MITF: variants seen among roughly 807,000 people sequenced by gnomAD.
MITF encodes the protein microphthalmia-associated transcription factor.
Under a neutral mutation model 60.5 loss-of-function variants are expected in MITF, and 17 were observed. That is an observed-to-expected ratio of 0.28 (90% CI 0.19 to 0.42). MITF has a LOEUF of 0.42. Among genes scored for constraint, MITF ranks in the 10% least tolerant of loss-of-function variants. The probability of loss-of-function intolerance (pLI) is 1.00; values close to 1 mark genes in which losing one functional copy is unlikely to be tolerated. For synonymous variants in MITF, 260 were observed against 248.5 expected (o/e 1.05, Z -0.43); for missense variants, 622 against 683.5 (o/e 0.91, Z 1.00).
intron 1 of MITF, among the ~76,000 whole-genome samples, chr3:69,876,127 A>T (rs2064348529): frequency 6.6e-6 from 1 of 152,098 alleles, no homozygotes. Context: ...GTCGACTTTC[A>T]CGTATGAAGA....
intron 1 of MITF, among the ~76,000 whole-genome samples, chr3:69,828,047 A>G (rs2063384876): frequency 6.6e-6 from 1 of 152,114 alleles, no homozygotes; most frequent in Non-Finnish European, 1.5e-5. Context: ...GTATATCTTT[A>G]CCTTTCTATA....
chr3:69,961,275 C>A (rs2066537119), intron 9 of MITF, among the ~76,000 whole-genome samples: 1 of 151,540 alleles, frequency 6.6e-6, no homozygotes, highest in Non-Finnish European at 1.5e-5. Flanking sequence ...CCCAGCTACT[C>A]GTGAGGCTGA....
rs1008640822 is a variant in MITF at position 69,759,786 on chromosome 3, T to G, written c.104+20085T>G. Among the ~76,000 whole-genome samples, 108 of 149,546 alleles carry G rather than the reference T, an allele frequency of 7.2e-4. 2 individuals are homozygous for G. The highest frequency in any genetic ancestry group is 5.9e-4 in the East Asian group (3 of 5,122). On this transcript the variant is annotated intron_variant, in intron 1 of 9. Coordinates refer to ENST00000352241, the MANE Select transcript of MITF (RefSeq NM_001354604.2). The stretch of plus-strand genomic sequence containing the variant: ...CTTTTCCAGGTACCTGATCGCTCTC[T>G]TTTTTTTTTGAGACAAAGTCTCGCT...
At chr3:69,817,232 T>A (rs2063195932) in intron 1 of MITF, among the ~76,000 whole-genome samples, 2 of 152,184 alleles carry the variant, frequency 1.3e-5, no homozygotes, top group Non-Finnish European at 2.9e-5. Context: ...CTATTTGATA[T>A]TTTGATATAC....
In MITF at chr3:69,914,650, T is replaced by C. The variant is rs373025604; in HGVS notation, c.355-23172T>C. The stretch of plus-strand genomic sequence containing the variant: ...CTGGAGCACTGGGCTGATGTCATCA[T>C]TGTGCGGTGTTGGATGAGTAAGTAC... On this transcript the variant is annotated intron_variant, in intron 2 of 9. Transcript: ENST00000352241. Among the ~76,000 whole-genome samples, 81 of 152,246 alleles carry C rather than the reference T, an allele frequency of 5.3e-4. No individual in the cohort carries two copies. The South Asian group carries it at 0.017, about 32-fold the overall frequency.
At chr3:69,812,796 T>G (rs2063121255) in intron 1 of MITF, among the ~76,000 whole-genome samples, 1 of 152,200 alleles carries the variant, frequency 6.6e-6, no homozygotes, top group African/African-American at 2.4e-5. Context: ...TTGGTTGGCC[T>G]TCTTGTCCTC....
intron 2 of MITF, among the ~76,000 whole-genome samples, chr3:69,891,455 G>A (rs1047259489): frequency 9.2e-5 from 14 of 152,156 alleles, no homozygotes; most frequent in African/African-American, 2.7e-4. Context: ...TAGCCACTGC[G>A]TCCCCTGCGA....
At chr3:69,964,274 C>T (rs1023446883) in intron 9 of MITF, among the ~76,000 whole-genome samples, 1 of 152,076 alleles carries the variant, frequency 6.6e-6, no homozygotes, top group Non-Finnish European at 1.5e-5. Context: ...GCATTTAAAA[C>T]TTTATTTTTG....
At chr3:69,773,751 C>T (rs1331021629) in intron 1 of MITF, among the ~76,000 whole-genome samples, 4 of 152,150 alleles carry the variant, frequency 2.6e-5, no homozygotes, top group African/African-American at 4.8e-5. Flanking sequence ...AACTATGAAG[C>T]ATTAATACTT....
chr3:69,965,551 C>T lies in MITF; in HGVS notation c.*303C>T, dbSNP rs1576072427. The T allele has an allele frequency of 7.2e-6, 2 of 278,698 alleles. No homozygotes were observed. The highest frequency in any genetic ancestry group is 1.1e-4 in the East Asian group (2 of 18,852). The allele number at this position is 278,698 out of a possible 1,614,324, so 17.3% of individuals were successfully genotyped here. ...GATTTTGCGTCAGAGAAATGTCTGT[C>T]CATTTTTATTCAGGGGAAACTTGAT... On this transcript the variant is annotated 3_prime_UTR_variant, in exon 10 of 10. Coordinates refer to ENST00000352241, the MANE Select transcript of MITF (RefSeq NM_001354604.2).
chr3:69,793,552 A>ATAGCATGCACCCTCTCCCAATGCCCAT (rs1559633677), intron 1 of MITF, among the ~76,000 whole-genome samples: 1 of 151,932 alleles, frequency 6.6e-6, no homozygotes, highest in Admixed American at 6.6e-5. Context: ...CCCAATGCTC[A>ATAGCATGCACCCTCTCCCAATGCCCAT]AGTTATGATG....
chr3:69,867,700 A>T (rs1056512187), intron 1 of MITF, among the ~76,000 whole-genome samples: 10 of 152,232 alleles, frequency 6.6e-5, no homozygotes, highest in South Asian at 4.1e-4. Flanking sequence ...ACTCTAACTT[A>T]CTAATTTTTT....
At chr3:69,808,549 G>A (rs987870915) in intron 1 of MITF, among the ~76,000 whole-genome samples, 6 of 152,018 alleles carry the variant, frequency 3.9e-5, no homozygotes, top group African/African-American at 1.2e-4. Flanking sequence ...GTTAGGGAAG[G>A]CCTCCCTAGG....
At chr3:69,948,815 A>C (rs770225319) in intron 5 of MITF, among the ~76,000 whole-genome samples, 3 of 152,162 alleles carry the variant, frequency 2.0e-5, no homozygotes, top group Non-Finnish European at 2.9e-5. Context: ...TAGTCATTTT[A>C]TGGGTGTGAG....
intron 2 of MITF, among the ~76,000 whole-genome samples, chr3:69,909,708 G>T (rs1469432407): frequency 2.0e-5 from 3 of 152,182 alleles, no homozygotes; most frequent in Admixed American, 6.5e-5. Flanking sequence ...CTGCCCTAGA[G>T]ATTTGTGGAA....
At chr3:69,891,736 C>T (rs186879993) in intron 2 of MITF, among the ~76,000 whole-genome samples, 94 of 152,258 alleles carry the variant, frequency 6.2e-4, no homozygotes, top group Middle Eastern at 3.4e-3. Context: ...TGGCAAATCT[C>T]CAACAGTGGT....
At chr3:69,894,576 C>T (rs2064831454) in intron 2 of MITF, among the ~76,000 whole-genome samples, 1 of 151,320 alleles carries the variant, frequency 6.6e-6, no homozygotes, top group Non-Finnish European at 1.5e-5. Context: ...ATCCCTGCTA[C>T]TGGGGAGGCT....
At chr3:69,902,880 A>T (rs1329060459) in intron 2 of MITF, among the ~76,000 whole-genome samples, 1 of 152,092 alleles carries the variant, frequency 6.6e-6, no homozygotes, top group Admixed American at 6.6e-5. Flanking sequence ...GCAGAAAAAA[A>T]AACCCAAATA....
chr3:69,780,203 C>T (rs992377383), intron 1 of MITF, among the ~76,000 whole-genome samples: 6 of 152,104 alleles, frequency 3.9e-5, no homozygotes, highest in Admixed American at 6.6e-5. Context: ...TTAGGCTGGA[C>T]GAGACAGTGA....
Sources: allele counts gnomAD v4.1 joint callset (sites outside exome capture counted in the v4.1 genomes callset), GRCh38; gene constraint gnomAD v4.1.1; transcripts MANE v1.5; gene names NCBI Gene and HGNC (gene_info 2026-07-23, HGNC 2026-07-21).